The following GRIK1 variants were observed in gnomAD, a reference collection of about 807,000 sequenced individuals.
GRIK1 encodes the protein glutamate receptor ionotropic, kainate 1.
Under a neutral mutation model 105.7 loss-of-function variants are expected in GRIK1, and 69 were observed. The observed-to-expected ratio is 0.65, with a 90% CI of 0.54 to 0.80. The LOEUF is 0.80. Among genes scored for constraint, GRIK1 ranks in the 30% least tolerant of loss-of-function variants. The pLI, the probability that GRIK1 is intolerant of heterozygous loss-of-function variation, is 0.00. For synonymous variants in GRIK1, 438 were observed against 431.3 expected (o/e 1.02, Z -0.19); for missense variants, 1,109 against 1,167.3 (o/e 0.95, Z 0.73).
intron 1 of GRIK1, among the ~76,000 whole-genome samples, chr21:29,696,744 G>T (rs540228972): frequency 4.5e-4 from 68 of 152,308 alleles, no homozygotes; most frequent in African/African-American, 1.6e-3. Context: ...GGCATCTTTA[G>T]GACGTTCAGG....
intron 1 of GRIK1, among the ~76,000 whole-genome samples, chr21:29,697,666 G>A (rs114841999): frequency 1.3e-3 from 197 of 152,238 alleles, no homozygotes; most frequent in African/African-American, 4.5e-3. Flanking sequence ...GTTATTAATA[G>A]GAGCCAGACC....
chr21:29,756,414 C>T lies in GRIK1; in HGVS notation c.119-62351G>A, dbSNP rs138447195. Among the ~76,000 whole-genome samples the T allele has an allele frequency of 2.2e-3, 335 of 152,178 alleles. 2 individuals carry two copies. Among genetic ancestry groups the T allele is most frequent in the African/African-American group, 7.5e-3 (311 of 41,530 alleles). On this transcript the variant is annotated intron_variant, in intron 1 of 17. Coordinates refer to ENST00000327783, the MANE Select transcript of GRIK1 (RefSeq NM_001330994.2). Reference sequence around the variant, plus strand: ...AAAAATAATGACAATAATAATGCTGCGCCCAGCACGGTCAGCTAATGCCAC... The same window carrying T: ...AAAAATAATGACAATAATAATGCTGTGCCCAGCACGGTCAGCTAATGCCAC...
intron 3 of GRIK1, among the ~76,000 whole-genome samples, chr21:29,674,258 GCTA>G (rs1568960523): frequency 4.9e-5 from 7 of 143,700 alleles, no homozygotes; most frequent in African/African-American, 1.9e-4. Flanking sequence ...TATTTATGTA[GCTA>G]TTTTTTTTTT....
intron 1 of GRIK1, chr21:29,759,126 CTTTTT>C (rs944218592): frequency 6.7e-6 from 1 of 148,322 alleles, no homozygotes; most frequent in African/African-American, 2.5e-5. Flanking sequence ...TTTTTCTTTT[CTTTTT>C]TTTTTGAGAT....
In GRIK1 at chr21:29,734,426, T is replaced by TTTTCTTTTCTTTTCTTTTC. The variant is rs1284335668; in HGVS notation, c.119-40364_119-40363insGAAAAGAAAAGAAAAGAAA. ...CTTTTCTTTTCTTTTCTTTTCTTTT[T>TTTTCTTTTCTTTTCTTTTC]GAGACAGAGTCTTACTCTCTTGCCC... On this transcript the variant is annotated intron_variant, in intron 1 of 17. Coordinates refer to ENST00000327783, the MANE Select transcript of GRIK1 (RefSeq NM_001330994.2). 4.9e-3 allele frequency among the ~76,000 whole-genome samples: 103 copies of TTTTCTTTTCTTTTCTTTTC among 20,920 alleles called. 10 individuals carry two copies. The highest frequency in any genetic ancestry group is 0.012 in the Admixed American group (18 of 1,450). The allele number at this position is 20,920 out of a possible 152,430, so 13.7% of individuals were successfully genotyped here.
chr21:29,812,875 A>G (rs1207785909), intron 1 of GRIK1, among the ~76,000 whole-genome samples: 1 of 152,184 alleles, frequency 6.6e-6, no homozygotes, highest in Non-Finnish European at 1.5e-5. Flanking sequence ...TGCATTTGAC[A>G]TCTCCTTTAA....
chr21:29,780,526 G>A (rs1161950926), intron 1 of GRIK1, among the ~76,000 whole-genome samples: 2 of 152,152 alleles, frequency 1.3e-5, no homozygotes, highest in Admixed American at 6.5e-5. Flanking sequence ...CACTTAGCTA[G>A]GGTAAACCTG....
intron 16 of GRIK1, among the ~76,000 whole-genome samples, chr21:29,551,060 C>T (rs1005539739): frequency 6.6e-6 from 1 of 152,064 alleles, no homozygotes; most frequent in East Asian, 1.9e-4. Context: ...ACCTGTGTTC[C>T]CTTGAGGATG....
intron 1 of GRIK1, among the ~76,000 whole-genome samples, chr21:29,762,244 A>G (rs571265534): frequency 2.6e-5 from 4 of 152,228 alleles, no homozygotes; most frequent in Non-Finnish European, 5.9e-5. Context: ...GTCAGTCTGC[A>G]TGTCTTTCCA....
At chr21:29,620,793 CTA>C (rs1421896438) in intron 7 of GRIK1, among the ~76,000 whole-genome samples, 8 of 121,516 alleles carry the variant, frequency 6.6e-5, no homozygotes, top group Non-Finnish European at 9.5e-5. Context: ...ATATATATAT[CTA>C]TATATATATA....
intron 1 of GRIK1, 114 bp from the exon 2 acceptor site, chr21:29,694,177 T>G: frequency 3.0e-6 from 2 of 677,672 alleles, no homozygotes; most frequent in South Asian, 2.0e-5. Context: ...CAGACTGGAG[T>G]GCAATGGCAC....
chr21:29,738,577 T>C (rs1402498801), intron 1 of GRIK1, among the ~76,000 whole-genome samples: 1 of 152,222 alleles, frequency 6.6e-6, no homozygotes, highest in Non-Finnish European at 1.5e-5. Flanking sequence ...ATGGAAACAA[T>C]AAATGATTAA....
chr21:29,669,688 G>A (rs1400229769), intron 4 of GRIK1, among the ~76,000 whole-genome samples: 1 of 152,096 alleles, frequency 6.6e-6, no homozygotes, highest in Admixed American at 6.5e-5. Context: ...ACTCACCTCA[G>A]GGGGTTGTTT....
At chr21:29,733,350 T>G (rs2064689100) in intron 1 of GRIK1, among the ~76,000 whole-genome samples, 2 of 152,136 alleles carry the variant, frequency 1.3e-5, no homozygotes. Context: ...ACAATGCTAT[T>G]TATCATAAAT....
At chr21:29,577,634 G>A (rs889198487) in intron 13 of GRIK1, among the ~76,000 whole-genome samples, 35 of 152,140 alleles carry the variant, frequency 2.3e-4, no homozygotes, top group Non-Finnish European at 2.4e-4. Flanking sequence ...ATATTAACAT[G>A]CCATTTATCA....
In GRIK1 at chr21:29,561,735, C is replaced by G. The variant is rs769701953; in HGVS notation, c.2245G>C (p.Ala749Pro). Residue 749 changes from alanine (A) to proline (P), a missense_variant, in exon 15 of 18, where the codon GCG (alanine) becomes CCG (proline). Around this residue, in one of 5 missense-constraint regions of GRIK1, gnomAD observed 264 missense variants for 306.9 expected, o/e 0.86. Transcript: ENST00000327783. Reference protein sequence around the residue: ...GIQRVLTTDYALLMESTSIEY... With the variant: ...GIQRVLTTDYPLLMESTSIEY... ...ATGCTGGTGGACTCCATCAGCAGCG[C>G]GTAGTCTGTGGTGAGCACTCTCTGG... 1 of 1,613,632 alleles carries G rather than the reference C, an allele frequency of 6.2e-7. No homozygotes were observed. The highest frequency in any genetic ancestry group is 8.5e-7 in the Non-Finnish European group (1 of 1,179,556).
chr21:29,747,686 G>T (rs1380061322), intron 1 of GRIK1, among the ~76,000 whole-genome samples: 2 of 152,092 alleles, frequency 1.3e-5, no homozygotes, highest in Admixed American at 1.3e-4. Context: ...AAAATTAGCT[G>T]GGCGTGGTGG....
intron 14 of GRIK1, among the ~76,000 whole-genome samples, chr21:29,566,575 C>G (rs1006815597): frequency 2.0e-5 from 3 of 152,220 alleles, no homozygotes; most frequent in East Asian, 1.9e-4. Flanking sequence ...TTTTTTCCCC[C>G]TATAATACAT....
intron 3 of GRIK1, among the ~76,000 whole-genome samples, chr21:29,689,213 G>A (rs1159150466): frequency 6.6e-6 from 1 of 152,148 alleles, no homozygotes; most frequent in Non-Finnish European, 1.5e-5. Context: ...CCCTGAACAA[G>A]CACATGGAGC....
Sources: allele counts gnomAD v4.1 joint callset (sites outside exome capture counted in the v4.1 genomes callset), GRCh38; gene constraint gnomAD v4.1.1; regional missense constraint gnomAD v4.1.1; transcripts MANE v1.5; gene names NCBI Gene and HGNC (gene_info 2026-07-23, HGNC 2026-07-21).